The following ADAMTS3 variants were observed in gnomAD, a reference collection of about 807,000 sequenced individuals.
ADAMTS3 encodes A disintegrin and metalloproteinase with thrombospondin motifs 3.
Under a neutral mutation model 129.0 loss-of-function variants are expected in ADAMTS3, and 73 were observed. The ratio of observed to expected loss-of-function variants is 0.57; its 90% CI spans 0.47 to 0.69. ADAMTS3 has a LOEUF of 0.69. Among genes scored for constraint, ADAMTS3 ranks in the 30% least tolerant of loss-of-function variants. The pLI is 0.00. For missense variants in ADAMTS3, 1,457 were observed against 1,514.5 expected (o/e 0.96, Z 0.63); for synonymous variants, 477 against 510.8 (o/e 0.93, Z 0.89).
chr4:72,376,159 T>C (rs182304478), intron 4 of ADAMTS3, among the ~76,000 whole-genome samples: 27 of 152,254 alleles, frequency 1.8e-4, no homozygotes, highest in Middle Eastern at 3.4e-3. Flanking sequence ...AATAATGCCT[T>C]AGTGTGTTTG....
chr4:72,537,667 C>T (rs144066506), intron 3 of ADAMTS3, among the ~76,000 whole-genome samples: 72 of 152,210 alleles, frequency 4.7e-4, no homozygotes, highest in Non-Finnish European at 9.1e-4. Flanking sequence ...GGGAGGAAAT[C>T]TGATTTCCAG....
In ADAMTS3 at chr4:72,548,810, A is replaced by G; in HGVS notation, c.172T>C (p.Ser58Pro). 1 of 1,613,912 alleles carries G rather than the reference A, an allele frequency of 6.2e-7. No individual in the cohort carries two copies. ...VSTNLEGRYL[S>P]HTLSASHKKR... The stretch of plus-strand genomic sequence containing the variant: ...TTGTGACTCGCAGAAAGAGTATGGG[A>G]GAGATAGCGTCCTTCTAGATTTGTG... Residue 58 changes from serine to proline, a missense_variant, in exon 3 of 22, where the codon TCC becomes CCC. By Grantham distance (74) the Ser-to-Pro change is moderately conservative. Coordinates refer to ENST00000286657, the MANE Select transcript of ADAMTS3 (RefSeq NM_014243.3).
At chr4:72,541,069 C>G (rs1405077236) in intron 3 of ADAMTS3, among the ~76,000 whole-genome samples, 30 of 152,186 alleles carry the variant, frequency 2.0e-4, no homozygotes. Context: ...GGAAAAGCTG[C>G]AGACACTCAA....
chr4:72,300,655 T>G (rs186699427), intron 17 of ADAMTS3, among the ~76,000 whole-genome samples: 1 of 152,194 alleles, frequency 6.6e-6, no homozygotes, highest in East Asian at 1.9e-4. Context: ...ATTGTGATGG[T>G]TTAAGAAATG....
intron 4 of ADAMTS3, among the ~76,000 whole-genome samples, chr4:72,413,254 TTCCAGTTCTCC>T (rs1259383511): frequency 1.3e-5 from 2 of 151,982 alleles, no homozygotes; most frequent in African/African-American, 4.8e-5. Flanking sequence ...CTGATCTGGC[TTCCAGTTCTCC>T]TATACAATTC....
In ADAMTS3 at chr4:72,283,641, G is replaced by A. The variant is rs201524333; in HGVS notation, c.3113C>T (p.Ser1038Phe). The change falls in exon 22 of 22, where the codon TCC (serine) becomes TTC (phenylalanine). Residue 1038 changes from serine to phenylalanine, a missense_variant. Coordinates refer to ENST00000286657, the MANE Select transcript of ADAMTS3 (RefSeq NM_014243.3). ...CQMEVLARYC[S>F]IPGYNKLCCE... ...ACATAACTTGTTATAACCTGGTATG[G>A]AGCAGTATCGTGCCAACACTTCCAT... is the stretch of plus-strand genomic sequence containing the variant. 628 of 1,613,652 alleles carry A rather than the reference G, an allele frequency of 3.9e-4. 2 individuals are homozygous for A. Among genetic ancestry groups the A allele is most frequent in the Non-Finnish European group, 5.0e-4 (591 of 1,179,816 alleles).
intron 18 of ADAMTS3, among the ~76,000 whole-genome samples, chr4:72,297,170 A>C (rs1194818772): frequency 6.6e-6 from 1 of 152,130 alleles, no homozygotes; most frequent in Non-Finnish European, 1.5e-5. Context: ...GAACATCAAT[A>C]TTAGTTGACT....
chr4:72,542,888 C>T (rs1721369318), intron 3 of ADAMTS3, among the ~76,000 whole-genome samples: 1 of 152,326 alleles, frequency 6.6e-6, no homozygotes, highest in Admixed American at 6.5e-5. Context: ...TGGAAACATA[C>T]AGATTTTGTT....
At chr4:72,362,590 T>C (rs1302244851) in intron 4 of ADAMTS3, among the ~76,000 whole-genome samples, 5 of 152,148 alleles carry the variant, frequency 3.3e-5, no homozygotes, top group Non-Finnish European at 7.4e-5. Context: ...CTATCATTTA[T>C]ATACTTTAGG....
intron 2 of ADAMTS3, among the ~76,000 whole-genome samples, chr4:72,562,673 A>G (rs145323339): frequency 1.4e-3 from 212 of 152,318 alleles, no homozygotes; most frequent in African/African-American, 4.8e-3. Context: ...ATGATTTTCA[A>G]AAATCTTAAG....
chr4:72,471,542 C>T (rs1719073550), intron 3 of ADAMTS3, among the ~76,000 whole-genome samples: 1 of 151,800 alleles, frequency 6.6e-6, no homozygotes, highest in South Asian at 2.1e-4. Context: ...GTTTCATTTC[C>T]AACTGCATAT....
At chr4:72,398,405 A>T (rs185876074) in intron 4 of ADAMTS3, among the ~76,000 whole-genome samples, 40 of 152,136 alleles carry the variant, frequency 2.6e-4, no homozygotes, top group African/African-American at 8.7e-4. Flanking sequence ...AAAAATACAA[A>T]AAATAAATAA....
chr4:72,438,919 C>T (rs549224758), intron 3 of ADAMTS3, among the ~76,000 whole-genome samples: 2 of 151,714 alleles, frequency 1.3e-5, no homozygotes, highest in Non-Finnish European at 2.9e-5. Context: ...TATTACTGTG[C>T]CTTCACAATC....
Position 72,290,957 on chromosome 4 carries a change from G to A in ADAMTS3, c.2829C>T (p.Arg943=). The part of the protein sequence containing the change: ...CLQPLLDGTN[R]SVHSKYCMGD... The stretch of plus-strand genomic sequence containing the variant: ...CCATGCAGTATTTGCTGTGCACAGA[G>A]CGGTTGGTGCCATCAAGGAGTGGCT... The change falls in exon 20 of 22, where the codon CGC becomes CGT. Residue 943 remains arginine, a synonymous_variant. Transcript: ENST00000286657. The A allele has an allele frequency of 6.2e-7, 1 of 1,614,086 alleles. No individual in the cohort carries two copies. Among genetic ancestry groups the A allele is most frequent in the Non-Finnish European group, 8.5e-7 (1 of 1,179,974 alleles).
At chr4:72,518,958 T>C (rs1578755494) in intron 3 of ADAMTS3, among the ~76,000 whole-genome samples, 1 of 152,224 alleles carries the variant, frequency 6.6e-6, no homozygotes, top group Middle Eastern at 3.4e-3. Context: ...TTTGGCATGA[T>C]TTTGCAGCGG....
At chr4:72,345,362 C>T (rs976079311) in intron 4 of ADAMTS3, among the ~76,000 whole-genome samples, 1 of 152,122 alleles carries the variant, frequency 6.6e-6, no homozygotes, top group African/African-American at 2.4e-5. Flanking sequence ...GAGCAGTTAA[C>T]TTAAATAATT....
rs540515854 is a variant in ADAMTS3, at chr4:72,541,030, T to C, written c.504+7448A>G. On this transcript the variant is annotated intron_variant, in intron 3 of 21. Coordinates refer to ENST00000286657, the MANE Select transcript of ADAMTS3 (RefSeq NM_014243.3). ...CCATCCTCCAGACCCCAGAATGATA[T>C]ATCCACCAACAGCTTGCACCACATG... Among the ~76,000 whole-genome samples the C allele has an allele frequency of 5.3e-5, 8 of 152,228 alleles. No homozygotes were observed. In the South Asian group the frequency reaches 1.7e-3, roughly 32 times the overall value.
chr4:72,503,308 A>C (rs1038617365), intron 3 of ADAMTS3, among the ~76,000 whole-genome samples: 1 of 152,154 alleles, frequency 6.6e-6, no homozygotes, highest in Non-Finnish European at 1.5e-5. Flanking sequence ...GCCGTGAGAC[A>C]CCACTCCCAG....
chr4:72,548,365 A>G lies in ADAMTS3; in HGVS notation c.504+113T>C. 2.6e-6 allele frequency: 3 copies of G among 1,141,834 alleles called. No individual in the cohort carries two copies. In the East Asian group the frequency reaches 7.2e-5, roughly 27 times the overall value. The allele number at this position is 1,141,834 out of a possible 1,614,324, so 70.7% of individuals were successfully genotyped here. ...TTCTAGTGTCTTTTTCTGAACTTAAAATGTAACATAACAATGAAGCCTCCT... is the reference window on the plus strand; with the variant it reads ...TTCTAGTGTCTTTTTCTGAACTTAAGATGTAACATAACAATGAAGCCTCCT... On this transcript the variant is annotated intron_variant, in intron 3 of 21. Transcript: ENST00000286657.
Sources: allele counts gnomAD v4.1 joint callset (sites outside exome capture counted in the v4.1 genomes callset), GRCh38; gene constraint gnomAD v4.1.1; transcripts MANE v1.5; gene names NCBI Gene and HGNC (gene_info 2026-07-23, HGNC 2026-07-21).